Variants in ZNF589 observed in about 807,000 individuals in gnomAD.
ZNF589 encodes zinc finger protein 589, also known as KRAB-zinc finger protein SZF1-1.
ZNF589 carries 17 observed loss-of-function variants against 13.6 expected under a neutral mutation model. The observed-to-expected ratio is 1.25, with a 90% CI of 0.86 to 1.88. The LOEUF (loss-of-function observed/expected upper bound fraction) is 1.88. Among genes scored for constraint, ZNF589 ranks in the 40% most tolerant of loss-of-function variants. ZNF589 has a pLI of 0.00. For synonymous variants in ZNF589, 148 were observed against 161.6 expected (o/e 0.92, Z 0.64); for missense variants, 407 against 434.0 (o/e 0.94, Z 0.55).
chr3:48,246,635 A>G (rs1266369250), intron 1 of ZNF589, among the ~76,000 whole-genome samples: 1 of 151,644 alleles, frequency 6.6e-6, no homozygotes, highest in African/African-American at 2.4e-5. Context: ...AAATATTTTC[A>G]TTAAATCACA....
intron 3 of ZNF589, among the ~76,000 whole-genome samples, chr3:48,263,322 C>T (rs1388243297): frequency 6.6e-6 from 1 of 152,190 alleles, no homozygotes; most frequent in African/African-American, 2.4e-5. Flanking sequence ...GTTGGTCAGG[C>T]TGGTCTCAAA....
At chr3:48,254,638 T>G (rs1290505144) in intron 2 of ZNF589, among the ~76,000 whole-genome samples, 1 of 152,230 alleles carries the variant, frequency 6.6e-6, no homozygotes, top group Non-Finnish European at 1.5e-5. Context: ...CTTTGATTTC[T>G]TTCATCATTG....
At position 48,269,566 on chromosome 3, in the gene ZNF589, C is replaced by A. The variant is rs2034067099; in HGVS notation, c.*780C>A. 1 of 333,058 alleles carries A rather than the reference C, an allele frequency of 3.0e-6. No individual in the cohort carries two copies. The highest frequency in any genetic ancestry group is 4.2e-5 in the Admixed American group (1 of 23,678). 20.6% of individuals were successfully genotyped at this position (333,058 alleles called of 1,614,324 possible). ...GTGGGCGAAACTTTAGCCACAAGTC[C>A]ACTCTCAGCTTACATCAGAGGATAC... On this transcript the variant is annotated 3_prime_UTR_variant, in exon 4 of 4. Transcript: ENST00000354698.
chr3:48,265,307 C>CA (rs1483567696), intron 3 of ZNF589, among the ~76,000 whole-genome samples: 2 of 76,536 alleles, frequency 2.6e-5, no homozygotes, highest in African/African-American at 1.1e-4. Flanking sequence ...TTTTTGGAGA[C>CA]AGAGTTTCAC....
chr3:48,246,535 C>T (rs1360545431), intron 1 of ZNF589, among the ~76,000 whole-genome samples: 2 of 152,064 alleles, frequency 1.3e-5, no homozygotes, highest in African/African-American at 4.8e-5. Flanking sequence ...GTCTTGAAGC[C>T]GTGGATTCAA....
intron 2 of ZNF589, among the ~76,000 whole-genome samples, chr3:48,257,703 G>A (rs1036329591): frequency 4.6e-5 from 7 of 151,466 alleles, no homozygotes; most frequent in Non-Finnish European, 8.8e-5. Flanking sequence ...ATTTAAATTC[G>A]TGATTCATTT....
chr3:48,257,104 G>A (rs951366010), intron 2 of ZNF589: 1 of 447,580 alleles, frequency 2.2e-6, no homozygotes, highest in Admixed American at 2.6e-5. Flanking sequence ...GAGATATATT[G>A]ATCTGTAGTT....
intron 2 of ZNF589, among the ~76,000 whole-genome samples, chr3:48,251,576 T>C (rs2033839114): frequency 6.7e-6 from 1 of 150,292 alleles, no homozygotes; most frequent in Non-Finnish European, 1.5e-5. Context: ...AAAAAGAAAC[T>C]GTTTAATTTA....
chr3:48,248,749 T>C (rs1280763903), intron 2 of ZNF589, among the ~76,000 whole-genome samples: 1 of 152,194 alleles, frequency 6.6e-6, no homozygotes, highest in Non-Finnish European at 1.5e-5. Context: ...CAGCTAAAAC[T>C]GTAAAATAGT....
intron 2 of ZNF589, 34 bp downstream of exon 2, chr3:48,247,711 G>C: frequency 6.2e-7 from 1 of 1,608,782 alleles, no homozygotes; most frequent in Non-Finnish European, 8.5e-7. Context: ...TTTCTGAAAT[G>C]CTGGCTCATT....
At chr3:48,243,333 G>A (rs2033718176) in intron 1 of ZNF589, among the ~76,000 whole-genome samples, 1 of 151,748 alleles carries the variant, frequency 6.6e-6, no homozygotes, top group African/African-American at 2.4e-5. Context: ...CCTTTGGGTG[G>A]TATAACAACA....
chr3:48,260,699 G>A (rs1179556620), intron 2 of ZNF589, 114 bp from the exon 3 acceptor site: 15 of 1,484,180 alleles, frequency 1.0e-5, no homozygotes, highest in African/African-American at 1.4e-5. Context: ...GTGAGCCACC[G>A]TGCCCGGCCT....
At chr3:48,265,448 G>A (rs964351695) in intron 3 of ZNF589, among the ~76,000 whole-genome samples, 5 of 151,168 alleles carry the variant, frequency 3.3e-5, no homozygotes, top group African/African-American at 1.2e-4. Flanking sequence ...CACCATGACC[G>A]ATTAATTTTT....
intron 1 of ZNF589, among the ~76,000 whole-genome samples, chr3:48,242,645 A>C (rs2033711397): frequency 6.6e-6 from 1 of 152,154 alleles, no homozygotes. Flanking sequence ...TAAATGTTTC[A>C]GGCTTTGTAG....
intron 2 of ZNF589, 73 bp downstream of exon 2, chr3:48,247,750 T>C: frequency 6.5e-7 from 1 of 1,548,384 alleles, no homozygotes; most frequent in Non-Finnish European, 8.9e-7. Context: ...TCTGTCTTTC[T>C]TGGGAAGGGA....
Position 48,269,176 on chromosome 3 carries a change from TG to T in ZNF589, c.*394del. On this transcript the variant is annotated 3_prime_UTR_variant, in exon 4 of 4. Transcript: ENST00000354698. ...TTAGTGTACATCAGAGGATACACTC[TG>T]GGGAGAAGCCTTATGCATGCACGGA... is the stretch of plus-strand genomic sequence containing the variant. The T allele has an allele frequency of 1.0e-6, 1 of 1,004,246 alleles. No individual in the cohort carries two copies. 62.2% of individuals were successfully genotyped at this position (1,004,246 alleles called of 1,614,324 possible).
In ZNF589 at chr3:48,241,221, C is replaced by G. The variant is rs748211667; in HGVS notation, c.43+7C>G. The G allele has an allele frequency of 6.2e-7, 1 of 1,611,246 alleles. No individual in the cohort carries two copies. The highest frequency in any genetic ancestry group is 1.3e-5 in the African/African-American group (1 of 74,888). Reference sequence around the variant, plus strand: ...CTGGGCTGGACTGCGGAAGGTGAGTCGGGGCCGCGAGATCGCCTCCCCCAT... The same window carrying G: ...CTGGGCTGGACTGCGGAAGGTGAGTGGGGGCCGCGAGATCGCCTCCCCCAT... On this transcript the variant is annotated splice_region_variant and intron_variant, in intron 1 of 3. Transcript: ENST00000354698.
At chr3:48,255,898 G>T (rs749262141) in intron 2 of ZNF589, among the ~76,000 whole-genome samples, 1 of 152,260 alleles carries the variant, frequency 6.6e-6, no homozygotes. Context: ...AAGCCACCAC[G>T]CCTGGCAGCT....
intron 2 of ZNF589, among the ~76,000 whole-genome samples, chr3:48,257,589 A>T (rs7644414): frequency 0.3 from 46,132 of 151,380 alleles, 7,580 homozygotes; most frequent in African/African-American, 0.4. Context: ...GTTTATTATT[A>T]TTTTTTTTAA....
Sources: allele counts gnomAD v4.1 joint callset (sites outside exome capture counted in the v4.1 genomes callset), GRCh38; gene constraint gnomAD v4.1.1; transcripts MANE v1.5; gene names NCBI Gene and HGNC (gene_info 2026-07-23, HGNC 2026-07-21).